APBB2: variants seen among roughly 807,000 people sequenced by gnomAD.
APBB2 encodes the protein amyloid beta precursor protein binding family B member 2.
APBB2 carries 38 observed loss-of-function variants against 82.5 expected under a neutral mutation model. The observed-to-expected ratio is 0.46, with a 90% CI of 0.36 to 0.60. The LOEUF (loss-of-function observed/expected upper bound fraction) is 0.60. Ranked by LOEUF, APBB2 falls within the 20% of genes least tolerant of loss-of-function variation. The pLI, the probability that APBB2 is intolerant of heterozygous loss-of-function variation, is 0.00. For missense variants in APBB2, 772 were observed against 972.3 expected (o/e 0.79, Z 2.74); for synonymous variants, 341 against 368.2 (o/e 0.93, Z 0.85).
intron 7 of APBB2, chr4:40,935,570 G>A (rs1403541630): frequency 6.4e-6 from 1 of 155,634 alleles, no homozygotes; most frequent in Non-Finnish European, 1.4e-5. Context: ...GGAAACTAGG[G>A]AATGCCCATG....
intron 10 of APBB2, among the ~76,000 whole-genome samples, chr4:40,902,997 G>A (rs1179120919): frequency 6.6e-6 from 1 of 152,108 alleles, no homozygotes; most frequent in South Asian, 2.1e-4. Context: ...TTTTTAATTA[G>A]CCAGACACAG....
chr4:41,144,752 A>G (rs1342907076), intron 1 of APBB2, among the ~76,000 whole-genome samples: 2 of 152,232 alleles, frequency 1.3e-5, no homozygotes, highest in African/African-American at 2.4e-5. Context: ...ACAGAGAACC[A>G]TAGTTGTTTC....
intron 10 of APBB2, among the ~76,000 whole-genome samples, chr4:40,911,425 T>G (rs1371496024): frequency 6.6e-6 from 1 of 152,346 alleles, no homozygotes; most frequent in East Asian, 1.9e-4. Flanking sequence ...TCAACCTTTA[T>G]TATGATTAGC....
intron 10 of APBB2, among the ~76,000 whole-genome samples, chr4:40,924,346 C>T (rs1782074482): frequency 6.6e-6 from 1 of 152,170 alleles, no homozygotes; most frequent in South Asian, 2.1e-4. Flanking sequence ...ACATGTTTGG[C>T]AGATTGTACC....
intron 12 of APBB2, among the ~76,000 whole-genome samples, chr4:40,873,900 T>C (rs1235129113): frequency 6.6e-6 from 1 of 152,198 alleles, no homozygotes; most frequent in Non-Finnish European, 1.5e-5. Context: ...AGAGAAAAAA[T>C]CTGTATTTTA....
chr4:41,154,126 T>G (rs568284447), intron 1 of APBB2, among the ~76,000 whole-genome samples: 1 of 152,316 alleles, frequency 6.6e-6, no homozygotes, highest in Non-Finnish European at 1.5e-5. Flanking sequence ...CAATCGCACA[T>G]GCAAGAAATC....
intron 10 of APBB2, among the ~76,000 whole-genome samples, chr4:40,925,116 G>C (rs1304217804): frequency 1.3e-5 from 2 of 152,054 alleles, no homozygotes; most frequent in Non-Finnish European, 2.9e-5. Context: ...TATGCCCCCG[G>C]AACAACCCCC....
intron 12 of APBB2, among the ~76,000 whole-genome samples, chr4:40,872,411 A>G (rs1765766506): frequency 6.6e-6 from 1 of 152,232 alleles, no homozygotes. Context: ...GGGATGTCAC[A>G]TAACACTGGC....
chr4:40,865,274 G>A (rs1374511800), intron 12 of APBB2, among the ~76,000 whole-genome samples: 1 of 152,156 alleles, frequency 6.6e-6, no homozygotes, highest in African/African-American at 2.4e-5. Context: ...CAGTCACGGA[G>A]GGCCAAGGAA....
intron 3 of APBB2, among the ~76,000 whole-genome samples, chr4:41,075,192 C>T (rs1735264013): frequency 1.3e-5 from 2 of 152,150 alleles, no homozygotes; most frequent in South Asian, 4.1e-4. Context: ...TCTGGAGATA[C>T]AAAACCTTTA....
At chr4:41,115,706 A>G (rs1466069517) in intron 2 of APBB2, among the ~76,000 whole-genome samples, 1 of 152,254 alleles carries the variant, frequency 6.6e-6, no homozygotes, top group Non-Finnish European at 1.5e-5. Context: ...CAACAAACAT[A>G]TGAAAAAATG....
chr4:40,829,635 C>A (rs2437346), intron 13 of APBB2, among the ~76,000 whole-genome samples: 120,500 of 150,876 alleles, frequency 0.8, 48,628 homozygotes, highest in African/African-American at 0.9. Flanking sequence ...GGTAATAGAA[C>A]CTCCTCCTGA....
chr4:40,941,587 C>A (rs1786946413), intron 7 of APBB2, among the ~76,000 whole-genome samples: 1 of 152,172 alleles, frequency 6.6e-6, no homozygotes, highest in Non-Finnish European at 1.5e-5. Flanking sequence ...ATGAGAAAGA[C>A]AACTATAGTA....
At chr4:41,004,836 CAAAAAAAAAAAA>C (rs34941899) in intron 6 of APBB2, among the ~76,000 whole-genome samples, 1 of 49,258 alleles carries the variant, frequency 2.0e-5, no homozygotes, top group African/African-American at 8.2e-5. Context: ...GACCCCATCT[CAAAAAAAAAAAA>C]AAAAAAAAAA....
Position 41,121,907 on chromosome 4 carries a change from GTGTA to G in APBB2, c.-261+21076_-261+21079del, listed in dbSNP as rs774513854. 8.8e-4 allele frequency among the ~76,000 whole-genome samples: 134 copies of G among 151,874 alleles called. 1 individual carries two copies. The highest frequency in any genetic ancestry group is 1.4e-3 in the Non-Finnish European group (92 of 67,902). On this transcript the variant is annotated intron_variant, in intron 2 of 17. Coordinates refer to ENST00000508593, the MANE Select transcript of APBB2 (RefSeq NM_004307.2). ...TCCTTTTTTGGTTGTGTGTGTGTGT[GTGTA>G]TGTGTGTATGTGTGTGTGTATGTGT...
chr4:40,862,307 T>C lies in APBB2; in HGVS notation c.1529+28057A>G, dbSNP rs533109292. On this transcript the variant is annotated intron_variant, in intron 12 of 17. Transcript: ENST00000508593. The stretch of plus-strand genomic sequence containing the variant: ...AACATGCTACTAAAATACATAGATA[T>C]GAATTTGAACTATCCTTAAATACCA... Among the ~76,000 whole-genome samples the C allele has an allele frequency of 1.2e-3, 181 of 152,344 alleles. 1 individual carries two copies. The highest frequency in any genetic ancestry group is 4.2e-3 in the African/African-American group (173 of 41,578).
intron 4 of APBB2, among the ~76,000 whole-genome samples, chr4:41,054,941 C>T (rs1727331076): frequency 6.6e-6 from 1 of 152,146 alleles, no homozygotes; most frequent in South Asian, 2.1e-4. Flanking sequence ...CCCTAGATGC[C>T]CTGCACCTAC....
chr4:41,144,234 C>T (rs532427918), intron 1 of APBB2, among the ~76,000 whole-genome samples: 18 of 152,314 alleles, frequency 1.2e-4, no homozygotes, highest in African/African-American at 4.3e-4. Flanking sequence ...CACAAGTGTG[C>T]TAAGCATAAC....
intron 4 of APBB2, among the ~76,000 whole-genome samples, chr4:41,049,363 C>CGTCTCCGCCCGGCAGCCGCCCCGTCA (rs1724923457): frequency 1.1e-5 from 1 of 88,956 alleles, no homozygotes; most frequent in Non-Finnish European, 2.2e-5. Context: ...CCGCCCCGTC[C>CGTCTCCGCCCGGCAGCCGCCCCGTCA]GGGAGGTGGG....
Sources: gnomAD v4.1 joint callset for allele counts (sites outside exome capture counted in the v4.1 genomes callset) on GRCh38, gnomAD v4.1.1 for gene constraint, MANE v1.5 for transcripts, NCBI Gene and HGNC (gene_info 2026-07-23, HGNC 2026-07-21) for gene names.